GNB1: variants seen among roughly 807,000 people sequenced by gnomAD.
The protein encoded by GNB1 is guanine nucleotide-binding protein G(I)/G(S)/G(T) subunit beta-1.
A neutral mutation model predicts 42.9 loss-of-function variants in GNB1; 2 were observed. The observed-to-expected ratio is 0.05, with a 90% CI of 0.02 to 0.15. GNB1 has a LOEUF of 0.15. GNB1 is among the 10% of genes least tolerant of loss of function. The probability of loss-of-function intolerance (pLI) is 1.00; values close to 1 mark genes in which losing one functional copy is unlikely to be tolerated. For synonymous variants in GNB1, 183 were observed against 174.7 expected (o/e 1.05, Z -0.38); for missense variants, 193 against 462.2 (o/e 0.42, Z 5.34).
At chr1:1,802,050 A>G (rs1329474248) in intron 7 of GNB1, among the ~76,000 whole-genome samples, 1 of 152,222 alleles carries the variant, frequency 6.6e-6, no homozygotes, top group Non-Finnish European at 1.5e-5. Flanking sequence ...GCATCTACTA[A>G]AAGAGCTCAA....
chr1:1,876,311 G>GT (rs201815573), intron 1 of GNB1, among the ~76,000 whole-genome samples: 22 of 151,438 alleles, frequency 1.5e-4, no homozygotes, highest in South Asian at 6.3e-4. Context: ...AGAAGGACTT[G>GT]TTTTTTTTTA....
intron 1 of GNB1, among the ~76,000 whole-genome samples, chr1:1,856,034 C>T (rs539286217): frequency 1.3e-5 from 2 of 152,266 alleles, no homozygotes; most frequent in Admixed American, 6.5e-5. Context: ...TCTTCTTCTT[C>T]TTTAAGAGAT....
chr1:1,798,901 A>G (rs961425846), intron 7 of GNB1, among the ~76,000 whole-genome samples: 4 of 147,680 alleles, frequency 2.7e-5, no homozygotes, highest in African/African-American at 9.9e-5. Context: ...GGGTCTCCCT[A>G]TGTCACCCAG....
intron 2 of GNB1, among the ~76,000 whole-genome samples, chr1:1,829,116 A>G (rs182188965): frequency 9.9e-5 from 15 of 152,248 alleles, no homozygotes; most frequent in African/African-American, 3.4e-4. Context: ...CAGTGCAATG[A>G]TGCAATCTCT....
intron 1 of GNB1, among the ~76,000 whole-genome samples, chr1:1,886,300 T>C (rs940904770): frequency 1.3e-5 from 2 of 152,096 alleles, no homozygotes; most frequent in African/African-American, 4.8e-5. Flanking sequence ...ACTGGGTGGC[T>C]GAGTGGGACT....
intron 4 of GNB1, chr1:1,817,614 CAGGT>C (rs1477457190): frequency 2.3e-6 from 1 of 430,862 alleles, no homozygotes; most frequent in African/African-American, 2.0e-5. Context: ...CCCTCTGTAA[CAGGT>C]AGATGATTAT....
At chr1:1,836,656 T>C (rs772619591) in intron 2 of GNB1, among the ~76,000 whole-genome samples, 3 of 152,184 alleles carry the variant, frequency 2.0e-5, no homozygotes, top group African/African-American at 4.8e-5. Flanking sequence ...GTTCAAGTGA[T>C]TCTTGTGTCT....
intron 1 of GNB1, among the ~76,000 whole-genome samples, chr1:1,861,564 A>G (rs1889678): frequency 0.83 from 125,546 of 151,088 alleles, 54,162 homozygotes; most frequent in Non-Finnish European, 0.95. Context: ...GAGAACAGAC[A>G]CATCTCAGAG....
At chr1:1,868,396 C>CA (rs1649060239) in intron 1 of GNB1, among the ~76,000 whole-genome samples, 1 of 152,166 alleles carries the variant, frequency 6.6e-6, no homozygotes, top group Non-Finnish European at 1.5e-5. Context: ...AGGCTGGTCT[C>CA]AAACTCCTGG....
At chr1:1,864,483 C>T (rs1648813551) in intron 1 of GNB1, among the ~76,000 whole-genome samples, 1 of 152,018 alleles carries the variant, frequency 6.6e-6, no homozygotes, top group Non-Finnish European at 1.5e-5. Flanking sequence ...CTCCCACTAT[C>T]ATCACAAGTT....
chr1:1,824,647 A>G (rs1646973470), intron 3 of GNB1, among the ~76,000 whole-genome samples: 1 of 151,916 alleles, frequency 6.6e-6, no homozygotes, highest in African/African-American at 2.4e-5. Context: ...ATCTCGGCTC[A>G]CTGGATCCTC....
intron 1 of GNB1, among the ~76,000 whole-genome samples, chr1:1,860,478 C>A (rs932855412): frequency 2.1e-4 from 31 of 150,628 alleles, no homozygotes; most frequent in South Asian, 1.3e-3. Context: ...AACAAACAAA[C>A]AAAAAAAAAT....
intron 7 of GNB1, among the ~76,000 whole-genome samples, chr1:1,799,209 C>T (rs574716152): frequency 2.0e-3 from 308 of 152,180 alleles, no homozygotes; most frequent in Non-Finnish European, 2.7e-3. Flanking sequence ...CGTGAGCCAC[C>T]GCGCCCAGCC....
Position 1,787,217 on chromosome 1 carries a change from T to A in GNB1, c.*9+105A>T. 2 of 704,924 alleles carry A rather than the reference T, an allele frequency of 2.8e-6. No individual in the cohort carries two copies. The highest frequency in any genetic ancestry group is 1.8e-5 in the African/African-American group (1 of 56,178). The allele number at this position is 704,924 out of a possible 1,614,324, so 43.7% of individuals were successfully genotyped here. A position where few individuals can be genotyped will look rare whatever the true frequency, so the allele number is the denominator to read the frequency against. ...TTCCCACAACACAATTCCAAATCAA[T>A]GCTACATCAACATTTATCTAGAAAC... On this transcript the variant is annotated intron_variant, in intron 11 of 11. Coordinates refer to ENST00000378609, the MANE Select transcript of GNB1 (RefSeq NM_002074.5). This position sits in a 1 kb window ranked among gnomAD's most constrained non-coding sequence, Gnocchi z 4.4.
chr1:1,786,661 T>G lies in GNB1; in HGVS notation c.*402A>C, dbSNP rs947159405. On this transcript the variant is annotated 3_prime_UTR_variant, in exon 12 of 12. Coordinates refer to ENST00000378609, the MANE Select transcript of GNB1 (RefSeq NM_002074.5). ...CAGATGAACAAAGCCCTCAGCATGTTTTGCATGAATGCCACAAAACAGGGT... is the reference window on the plus strand; with the variant it reads ...CAGATGAACAAAGCCCTCAGCATGTGTTGCATGAATGCCACAAAACAGGGT... 3 of 152,284 alleles carry G rather than the reference T, an allele frequency of 2.0e-5. No homozygotes were observed. The highest frequency in any genetic ancestry group is 7.2e-5 in the African/African-American group (3 of 41,458). The allele number at this position is 152,284 out of a possible 1,614,324, so 9.4% of individuals were successfully genotyped here. A position where few individuals can be genotyped will look rare whatever the true frequency, so the allele number is the denominator to read the frequency against.
chr1:1,882,426 CAAAAAAAAAA>C (rs5772052), intron 1 of GNB1, among the ~76,000 whole-genome samples: 1 of 71,646 alleles, frequency 1.4e-5, no homozygotes, highest in African/African-American at 7.4e-5. Context: ...GACTCCAACT[CAAAAAAAAAA>C]AAAAAAAAAA....
At chr1:1,883,294 AG>A (rs1649958153) in intron 1 of GNB1, among the ~76,000 whole-genome samples, 3 of 151,476 alleles carry the variant, frequency 2.0e-5, no homozygotes, top group Admixed American at 6.6e-5. Context: ...AAAAAAAAAA[AG>A]AAAAAGAAAA....
Position 1,787,532 on chromosome 1 carries a change from A to G in GNB1, c.917-95T>C. The G allele has an allele frequency of 1.4e-6, 1 of 728,546 alleles. No individual in the cohort carries two copies. The highest frequency in any genetic ancestry group is 1.7e-5 in the South Asian group (1 of 58,882). 45.1% of individuals were successfully genotyped at this position (728,546 alleles called of 1,614,324 possible). ...GACGAGGACGGATGGTGCATCTCTC[A>G]TGGGACAAGACCCAGAGTCTCCCAC... On this transcript the variant is annotated intron_variant, in intron 10 of 11. Transcript: ENST00000378609. The surrounding 1 kb of genome is among the most constrained non-coding windows in gnomAD (Gnocchi z 4.4).
chr1:1,866,655 A>C (rs1026572884), intron 1 of GNB1, among the ~76,000 whole-genome samples: 1 of 147,592 alleles, frequency 6.8e-6, no homozygotes, highest in African/African-American at 2.4e-5. Flanking sequence ...AAAAATCGCT[A>C]AAAAAAAATC....
Sources: gnomAD v4.1 joint callset for allele counts (sites outside exome capture counted in the v4.1 genomes callset) on GRCh38, gnomAD v4.1.1 for gene constraint, Gnocchi (gnomAD v3.1) non-coding constraint, MANE v1.5 for transcripts, NCBI Gene and HGNC (gene_info 2026-07-23, HGNC 2026-07-21) for gene names.